NALF1: variants seen among roughly 807,000 people sequenced by gnomAD.
NALF1 encodes family with sequence similarity 155 member A.
Under a neutral mutation model 48.4 loss-of-function variants are expected in NALF1, and 3 were observed. That is an observed-to-expected ratio of 0.06 (90% CI 0.03 to 0.16). The LOEUF (loss-of-function observed/expected upper bound fraction) is 0.16. Ranked by LOEUF, NALF1 falls within the 10% of genes least tolerant of loss-of-function variation. NALF1 has a pLI of 1.00. For missense variants in NALF1, 526 were observed against 571.5 expected (o/e 0.92, Z 0.81); for synonymous variants, 262 against 245.7 (o/e 1.07, Z -0.62).
At chr13:107,313,437 C>T (rs896288010) in intron 1 of NALF1, among the ~76,000 whole-genome samples, 1 of 152,078 alleles carries the variant, frequency 6.6e-6, no homozygotes, top group Non-Finnish European at 1.5e-5. Flanking sequence ...TAAAAACAAA[C>T]AAACAACAAC....
chr13:107,628,374 C>A (rs1879741627), intron 1 of NALF1, among the ~76,000 whole-genome samples: 1 of 152,108 alleles, frequency 6.6e-6, no homozygotes, highest in South Asian at 2.1e-4. Context: ...TATCCCAGTT[C>A]CCACTTTTGC....
At chr13:107,838,551 G>T (rs896188578) in intron 1 of NALF1, among the ~76,000 whole-genome samples, 1 of 152,142 alleles carries the variant, frequency 6.6e-6, no homozygotes, top group South Asian at 2.1e-4. Context: ...ACAGGTAACT[G>T]GCAGGAGGCA....
At chr13:107,705,733 C>T (rs1881932358) in intron 1 of NALF1, among the ~76,000 whole-genome samples, 1 of 152,068 alleles carries the variant, frequency 6.6e-6, no homozygotes, top group Non-Finnish European at 1.5e-5. Context: ...AATTAGCTAC[C>T]TATCTCTGCT....
intron 1 of NALF1, among the ~76,000 whole-genome samples, chr13:107,623,683 T>G (rs1594167129): frequency 6.6e-6 from 1 of 152,146 alleles, no homozygotes; most frequent in Admixed American, 6.5e-5. Context: ...GGAAGTGAGG[T>G]GGGATTGGCC....
chr13:107,439,033 T>A (rs969030600), intron 1 of NALF1, among the ~76,000 whole-genome samples: 9 of 151,946 alleles, frequency 5.9e-5, no homozygotes, highest in African/African-American at 1.4e-4. Flanking sequence ...AGAAAGAAAC[T>A]TCACACAACG....
intron 1 of NALF1, among the ~76,000 whole-genome samples, chr13:107,343,384 T>C (rs11841746): frequency 0.24 from 36,529 of 152,088 alleles, 5,008 homozygotes; most frequent in African/African-American, 0.37. Flanking sequence ...TGGGAGGTGA[T>C]TGAATCATGG....
intron 1 of NALF1, among the ~76,000 whole-genome samples, chr13:107,680,385 G>A (rs1340836426): frequency 6.8e-6 from 1 of 146,714 alleles, no homozygotes; most frequent in Admixed American, 7.2e-5. Flanking sequence ...CTCTCATGCC[G>A]GCTCTTACGT....
intron 1 of NALF1, among the ~76,000 whole-genome samples, chr13:107,530,357 A>G (rs1302468260): frequency 6.6e-6 from 1 of 152,148 alleles, no homozygotes; most frequent in East Asian, 1.9e-4. Context: ...TAGCATGGAT[A>G]CTTTTAAGCT....
intron 1 of NALF1, among the ~76,000 whole-genome samples, chr13:107,765,836 T>C (rs1009593449): frequency 6.6e-6 from 1 of 152,210 alleles, no homozygotes; most frequent in Non-Finnish European, 1.5e-5. Context: ...CTGAAGGGAA[T>C]AAAGTATTTA....
intron 1 of NALF1, among the ~76,000 whole-genome samples, chr13:107,582,260 T>C (rs1405129161): frequency 2.6e-5 from 4 of 152,222 alleles, no homozygotes; most frequent in South Asian, 2.1e-4. Flanking sequence ...GGCAGAAGCC[T>C]GGATAAGGCA....
At chr13:107,388,858 A>T (rs1185808824) in intron 1 of NALF1, among the ~76,000 whole-genome samples, 2 of 152,210 alleles carry the variant, frequency 1.3e-5, no homozygotes, top group Non-Finnish European at 2.9e-5. Flanking sequence ...AAAAATCTCA[A>T]GAATTGTTGT....
At chr13:107,347,474 G>A (rs1882794614) in intron 1 of NALF1, among the ~76,000 whole-genome samples, 1 of 152,180 alleles carries the variant, frequency 6.6e-6, no homozygotes, top group African/African-American at 2.4e-5. Flanking sequence ...AAGGTACGTA[G>A]AATAGTCCAT....
chr13:107,347,102 A>C (rs1391278698), intron 1 of NALF1, among the ~76,000 whole-genome samples: 1 of 152,212 alleles, frequency 6.6e-6, no homozygotes, highest in African/African-American at 2.4e-5. Context: ...TTATAACATA[A>C]AAGTGTTCAT....
chr13:107,761,504 G>A (rs1877264136), intron 1 of NALF1, among the ~76,000 whole-genome samples: 2 of 152,118 alleles, frequency 1.3e-5, no homozygotes, highest in Admixed American at 1.3e-4. Flanking sequence ...CATGAGTCTG[G>A]TTTTCATGGG....
chr13:107,257,995 A>G (rs1880854086), intron 1 of NALF1, among the ~76,000 whole-genome samples: 2 of 152,212 alleles, frequency 1.3e-5, no homozygotes, highest in Non-Finnish European at 2.9e-5. Flanking sequence ...GTGAAAGGTC[A>G]CATTTTATAT....
chr13:107,609,051 T>C (rs1263316610), intron 1 of NALF1, among the ~76,000 whole-genome samples: 3 of 152,126 alleles, frequency 2.0e-5, no homozygotes, highest in Non-Finnish European at 2.9e-5. Flanking sequence ...ACAAGACACT[T>C]TGGGAGGAAA....
chr13:107,341,219 A>G (rs1168595085), intron 1 of NALF1, among the ~76,000 whole-genome samples: 1 of 152,116 alleles, frequency 6.6e-6, no homozygotes, highest in Non-Finnish European at 1.5e-5. Flanking sequence ...TCATCAGCCT[A>G]CTTTGATAAA....
At chr13:107,501,565 C>G (rs942707618) in intron 1 of NALF1, among the ~76,000 whole-genome samples, 3 of 152,152 alleles carry the variant, frequency 2.0e-5, no homozygotes, top group African/African-American at 7.2e-5. Flanking sequence ...GTATTTCATG[C>G]ATTTACCAAG....
At chr13:107,252,726 G>C (rs980267410) in intron 1 of NALF1, among the ~76,000 whole-genome samples, 1 of 152,126 alleles carries the variant, frequency 6.6e-6, no homozygotes, top group South Asian at 2.1e-4. Context: ...TAGGTTTGTT[G>C]TTACTGTTAC....
Sources: gnomAD v4.1 joint callset for allele counts (sites outside exome capture counted in the v4.1 genomes callset) on GRCh38, gnomAD v4.1.1 for gene constraint, MANE v1.5 for transcripts, NCBI Gene and HGNC (gene_info 2026-07-23, HGNC 2026-07-21) for gene names.